Variants in NPEPPS observed in about 807,000 individuals in gnomAD.
NPEPPS encodes the protein puromycin-sensitive aminopeptidase.
A neutral mutation model predicts 115.5 loss-of-function variants in NPEPPS; 14 were observed. The observed-to-expected ratio is 0.12, with a 90% CI of 0.08 to 0.19. The LOEUF (loss-of-function observed/expected upper bound fraction) is 0.19. NPEPPS is among the 10% of genes least tolerant of loss of function. The probability of loss-of-function intolerance (pLI) is 1.00; values close to 1 mark genes in which losing one functional copy is unlikely to be tolerated. For missense variants in NPEPPS, 523 were observed against 1,110.8 expected (o/e 0.47, Z 7.52); for synonymous variants, 285 against 390.6 (o/e 0.73, Z 3.19).
chr17:47,596,670 C>G (rs560695332), intron 13 of NPEPPS, among the ~76,000 whole-genome samples: 2 of 152,276 alleles, frequency 1.3e-5, no homozygotes, highest in East Asian at 3.9e-4. Context: ...GTCTAGTCTC[C>G]AGGGAAAATA....
intron 2 of NPEPPS, among the ~76,000 whole-genome samples, chr17:47,555,203 T>TA (rs1362736893): frequency 1.3e-5 from 2 of 152,190 alleles, no homozygotes; most frequent in Admixed American, 1.3e-4. Flanking sequence ...TCAAGATACT[T>TA]ACTAATTGTA....
intron 1 of NPEPPS, among the ~76,000 whole-genome samples, chr17:47,535,422 G>T (rs1258354510): frequency 6.6e-6 from 1 of 150,928 alleles, no homozygotes; most frequent in African/African-American, 2.4e-5. Flanking sequence ...GTGGTGGCGG[G>T]TGCCTGTAGT....
In NPEPPS at chr17:47,558,774, C is replaced by T. The variant is rs188485426; in HGVS notation, c.341-10643C>T. ...TTGCGGCTGGGTGTGGTGGCTGACG[C>T]TTGTAATCCCAGCACTTTGGGAGGC... On this transcript the variant is annotated intron_variant, in intron 2 of 22. Coordinates refer to ENST00000322157, the MANE Select transcript of NPEPPS (RefSeq NM_006310.4). Among the ~76,000 whole-genome samples, 255 of 151,920 alleles carry T rather than the reference C, an allele frequency of 1.7e-3. 1 individual carries two copies. The highest frequency in any genetic ancestry group is 5.9e-3 in the African/African-American group (246 of 41,484).
At chr17:47,531,015 C>T, upstream of NPEPPS, 1 of 168,390 alleles carries the variant, frequency 5.9e-6, no homozygotes, top group Non-Finnish European at 1.2e-5. Flanking sequence ...GCCGCGCCCT[C>T]GTCCTCGCCG....
intron 2 of NPEPPS, among the ~76,000 whole-genome samples, chr17:47,556,931 T>C (rs112013923): frequency 6.6e-6 from 1 of 152,322 alleles, no homozygotes; most frequent in East Asian, 1.9e-4. Context: ...CATGAGCCAC[T>C]GCACCCAGCC....
chr17:47,537,128 C>G (rs1162784950), intron 1 of NPEPPS, among the ~76,000 whole-genome samples: 1 of 149,544 alleles, frequency 6.7e-6, no homozygotes, highest in African/African-American at 2.5e-5. Context: ...AGTTTGATAC[C>G]AGTGTGGGCA....
chr17:47,579,953 G>C lies in NPEPPS; in HGVS notation c.540+442G>C, dbSNP rs187021027. 2.7e-3 allele frequency: 445 copies of C among 162,098 alleles called. 1 individual carries two copies. Among genetic ancestry groups the C allele is most frequent in the Non-Finnish European group, 4.7e-3 (342 of 73,436 alleles). 10.0% of individuals were successfully genotyped at this position (162,098 alleles called of 1,614,324 possible). The stretch of plus-strand genomic sequence containing the variant: ...TCCGTGTGTGTGTGTGTGTGTGTGT[G>C]TGTGTGTGTGTATACACATATATAT... On this transcript the variant is annotated intron_variant, in intron 4 of 22. Transcript: ENST00000322157.
At chr17:47,560,155 A>G (rs1274649052) in intron 2 of NPEPPS, among the ~76,000 whole-genome samples, 1 of 152,052 alleles carries the variant, frequency 6.6e-6, no homozygotes, top group African/African-American at 2.4e-5. Context: ...GTGGGTGTCA[A>G]GTAGGAGAGA....
intron 4 of NPEPPS, chr17:47,579,860 C>T (rs183052291): frequency 0.01 from 1,848 of 182,148 alleles, 12 homozygotes; most frequent in Admixed American, 0.015. Flanking sequence ...TTCTGGAATT[C>T]CTTTCCTTCT....
At chr17:47,538,199 G>GTTTTTTTTTTTTT (rs1292705804) in intron 1 of NPEPPS, among the ~76,000 whole-genome samples, 2 of 72,344 alleles carry the variant, frequency 2.8e-5, no homozygotes, top group East Asian at 4.9e-4. Context: ...AGCCATATCT[G>GTTTTTTTTTTTTT]TTCTTTTTTT....
At chr17:47,538,779 C>T (rs1171127354) in intron 1 of NPEPPS, among the ~76,000 whole-genome samples, 4 of 152,100 alleles carry the variant, frequency 2.6e-5, no homozygotes, top group South Asian at 2.1e-4. Flanking sequence ...CCACCCGCCT[C>T]GGCCTCCCAA....
intron 2 of NPEPPS, 91 bp from the exon 3 acceptor site, chr17:47,569,326 T>C: frequency 1.3e-6 from 1 of 776,758 alleles, no homozygotes; most frequent in Non-Finnish European, 2.1e-6. Flanking sequence ...ATTTTGCTTT[T>C]GTAGAGATTT....
chr17:47,572,683 CAGAT>C (rs779172322), intron 3 of NPEPPS, among the ~76,000 whole-genome samples: 1 of 152,128 alleles, frequency 6.6e-6, no homozygotes, highest in Non-Finnish European at 1.5e-5. Context: ...GTAGAAAAAA[CAGAT>C]AGAAAACAGA....
intron 2 of NPEPPS, among the ~76,000 whole-genome samples, chr17:47,559,024 C>T (rs1163118226): frequency 1.4e-5 from 2 of 147,518 alleles, no homozygotes; most frequent in African/African-American, 5.0e-5. Context: ...GACAACAGAG[C>T]GAGACTCCAT....
At chr17:47,609,853 CA>C (rs1294837585) in intron 17 of NPEPPS, among the ~76,000 whole-genome samples, 1 of 152,200 alleles carries the variant, frequency 6.6e-6, no homozygotes, top group Non-Finnish European at 1.5e-5. Context: ...CTCTCTCACT[CA>C]GCGTAGTGTT....
chr17:47,547,163 CAT>C (rs1310834353), intron 2 of NPEPPS, among the ~76,000 whole-genome samples: 5 of 151,986 alleles, frequency 3.3e-5, no homozygotes, highest in Non-Finnish European at 5.9e-5. Context: ...TAAAAAGAAA[CAT>C]GGTATAGAAT....
rs1398108021 is a variant in NPEPPS at position 47,545,895 on chromosome 17, C to A, written c.256-14C>A. On this transcript the variant is annotated splice_polypyrimidine_tract_variant and intron_variant, in intron 1 of 22. Coordinates refer to ENST00000322157, the MANE Select transcript of NPEPPS (RefSeq NM_006310.4). ...GGCTATTTCTGACACTGTTGATTTT[C>A]CTTTTCCCCTTAGGTGAGGCAGGCG... 1.3e-6 allele frequency: 2 copies of A among 1,524,682 alleles called. No homozygotes were observed. Among genetic ancestry groups the A allele is most frequent in the East Asian group, 4.9e-5 (2 of 41,002 alleles). 94.4% of individuals were successfully genotyped at this position (1,524,682 alleles called of 1,614,324 possible).
chr17:47,567,238 A>C (rs1910880248), intron 2 of NPEPPS, among the ~76,000 whole-genome samples: 1 of 152,230 alleles, frequency 6.6e-6, no homozygotes, highest in South Asian at 2.1e-4. Flanking sequence ...TAAAATGAGG[A>C]AGATTTGATT....
At chr17:47,573,607 A>G (rs1256627506) in intron 3 of NPEPPS, among the ~76,000 whole-genome samples, 2 of 152,232 alleles carry the variant, frequency 1.3e-5, no homozygotes, top group Non-Finnish European at 2.9e-5. Flanking sequence ...CTGTAATCCC[A>G]ACACTTTGGG....
Sources: allele counts gnomAD v4.1 joint callset (sites outside exome capture counted in the v4.1 genomes callset), GRCh38; gene constraint gnomAD v4.1.1; transcripts MANE v1.5; gene names NCBI Gene and HGNC (gene_info 2026-07-23, HGNC 2026-07-21).